Variants in FMN1 observed in about 807,000 individuals in gnomAD.
FMN1 encodes formin 1.
FMN1 carries 110 observed loss-of-function variants against 132.4 expected under a neutral mutation model. The observed-to-expected ratio is 0.83, with a 90% CI of 0.71 to 0.97. The LOEUF is 0.97. Ranked by LOEUF, FMN1 falls within the 50% of genes least tolerant of loss-of-function variation. FMN1 has a pLI of 0.00. For synonymous variants in FMN1, 722 were observed against 651.7 expected (o/e 1.11, Z -1.64); for missense variants, 1,792 against 1,705.3 (o/e 1.05, Z -0.90).
At chr15:33,020,635 T>G (rs2035367451) in intron 6 of FMN1, among the ~76,000 whole-genome samples, 1 of 71,730 alleles carries the variant, frequency 1.4e-5, no homozygotes, top group African/African-American at 5.8e-5. Context: ...CGAAACTCCG[T>G]CTCAAAAAAA....
rs115512614 is a variant in FMN1 at position 32,940,921 on chromosome 15, C to T, written c.3139-14660G>A. ...CAGTTTATCACATTTGATTGTTAGACGTTAGTGGGATTCCTGACTGTATTA... is the reference window on the plus strand; with the variant it reads ...CAGTTTATCACATTTGATTGTTAGATGTTAGTGGGATTCCTGACTGTATTA... On this transcript the variant is annotated intron_variant, in intron 9 of 20. Transcript: ENST00000616417. 3.2e-3 allele frequency among the ~76,000 whole-genome samples: 484 copies of T among 152,194 alleles called. 8 individuals are homozygous for T. Among genetic ancestry groups the T allele is most frequent in the African/African-American group, 0.011 (466 of 41,512 alleles).
intron 16 of FMN1, among the ~76,000 whole-genome samples, chr15:32,859,635 T>C (rs2059217261): frequency 1.3e-5 from 2 of 152,236 alleles, no homozygotes; most frequent in African/African-American, 2.4e-5. Context: ...ACCTTTAATA[T>C]TTATGTAAAA....
intron 5 of FMN1, among the ~76,000 whole-genome samples, chr15:33,084,791 G>A (rs1175346612): frequency 1.3e-5 from 2 of 152,112 alleles, no homozygotes; most frequent in African/African-American, 4.8e-5. Context: ...TAAATGAGGG[G>A]ACTTAGTAAC....
At chr15:33,059,257 T>C (rs2037372057) in intron 6 of FMN1, among the ~76,000 whole-genome samples, 1 of 148,444 alleles carries the variant, frequency 6.7e-6, no homozygotes, top group Non-Finnish European at 1.5e-5. Context: ...GGTATTCCAT[T>C]GTATATATAT....
intron 4 of FMN1, among the ~76,000 whole-genome samples, chr15:33,139,671 G>C (rs1307057417): frequency 6.6e-6 from 1 of 152,186 alleles, no homozygotes; most frequent in Non-Finnish European, 1.5e-5. Flanking sequence ...TAAGCTTCGT[G>C]TTCCCTTTAA....
At position 32,989,558 on chromosome 15, in the gene FMN1, G is replaced by A. The variant is rs1019477947; in HGVS notation, c.2223+18456C>T. On this transcript the variant is annotated intron_variant, in intron 7 of 20. Transcript: ENST00000616417. ...CAAGTGCAGTTTAGCCCCTTCACCC[G>A]CCCCCCACCAAAAGAAAGAAAGCCA... Among the ~76,000 whole-genome samples the A allele has an allele frequency of 5.3e-5, 8 of 151,974 alleles. No homozygotes were observed. In the East Asian group the frequency reaches 1.2e-3, roughly 22 times the overall value.
intron 15 of FMN1, 63 bp from the exon 16 acceptor site, chr15:32,888,355 C>CA: frequency 7.1e-7 from 1 of 1,414,506 alleles, no homozygotes; most frequent in Non-Finnish European, 9.5e-7. Context: ...GTTGAAATTC[C>CA]AAAGCATCAA....
At chr15:32,958,034 A>G (rs1425926418) in intron 9 of FMN1, among the ~76,000 whole-genome samples, 1 of 152,150 alleles carries the variant, frequency 6.6e-6, no homozygotes, top group Non-Finnish European at 1.5e-5. Context: ...ATTTTATTAT[A>G]GCTAATATTT....
intron 5 of FMN1, among the ~76,000 whole-genome samples, chr15:33,070,404 T>A (rs186639014): frequency 0.034 from 4,745 of 139,958 alleles, 261 homozygotes; most frequent in African/African-American, 0.12. Context: ...TTTTTTTTTT[T>A]ATGAACTGAA....
chr15:33,171,482 A>C (rs1320450068), intron 3 of FMN1, among the ~76,000 whole-genome samples: 1 of 152,114 alleles, frequency 6.6e-6, no homozygotes, highest in Non-Finnish European at 1.5e-5. Context: ...CCTATAAATA[A>C]GTACAAATAT....
At chr15:33,066,811 C>T (rs750627185) in intron 5 of FMN1, 7 of 1,613,844 alleles carry the variant, frequency 4.3e-6, no homozygotes, top group African/African-American at 1.3e-5. Context: ...CTGCTCCCTT[C>T]GGTTCAGTTT....
intron 6 of FMN1, chr15:33,013,138 A>G (rs1424004034): frequency 2.5e-6 from 1 of 398,254 alleles, no homozygotes; most frequent in Admixed American, 3.0e-5. Flanking sequence ...ATAGGTTGCA[A>G]CAGGTTTGTG....
intron 6 of FMN1, among the ~76,000 whole-genome samples, chr15:33,048,644 A>AAACAAAAAAAAAAAAAAAAAC (rs1555388954): frequency 2.3e-5 from 2 of 86,918 alleles, no homozygotes; most frequent in Non-Finnish European, 2.4e-5. Flanking sequence ...AAAAAAAAAA[A>AAACAAAAAAAAAAAAAAAAAC]AAAAACCAAC....
rs771313592 is a variant in FMN1, at chr15:32,964,383, T to C, written c.2988-126A>G. 3.3e-5 allele frequency: 23 copies of C among 697,008 alleles called. No homozygotes were observed. The Middle Eastern group carries it at 1.0e-3, about 32-fold the overall frequency. 43.2% of individuals were successfully genotyped at this position (697,008 alleles called of 1,614,324 possible). On this transcript the variant is annotated intron_variant, in intron 8 of 20. Transcript: ENST00000616417. ...AAAAAAACACATAAAACTCTAATAA[T>C]GCTTGGAGAAAAGCTTTTTATGTTA... is the stretch of plus-strand genomic sequence containing the variant.
Position 33,158,007 on chromosome 15 carries a change from A to G in FMN1, c.-131-2962T>C, listed in dbSNP as rs547417056. On this transcript the variant is annotated intron_variant, in intron 3 of 20. Coordinates refer to ENST00000616417, the MANE Select transcript of FMN1 (RefSeq NM_001277313.2). Reference sequence around the variant, plus strand: ...ACCCTGTCTTTCAAAAAAAAAAAAAAAAAGAAAAAGAAAGAAACAAAAACC... The same window carrying G: ...ACCCTGTCTTTCAAAAAAAAAAAAAGAAAGAAAAAGAAAGAAACAAAAACC... Among the ~76,000 whole-genome samples, 277 of 150,214 alleles carry G rather than the reference A, an allele frequency of 1.8e-3. 1 individual carries two copies. Among genetic ancestry groups the G allele is most frequent in the African/African-American group, 6.4e-3 (254 of 39,918 alleles).
chr15:32,928,068 G>A (rs112420082), intron 9 of FMN1, among the ~76,000 whole-genome samples: 21 of 152,212 alleles, frequency 1.4e-4, no homozygotes, highest in African/African-American at 4.8e-4. Context: ...TTGATTAATC[G>A]ATCTTGAATC....
chr15:33,067,903 G>C (rs751143412), intron 5 of FMN1: 8 of 1,588,176 alleles, frequency 5.0e-6, no homozygotes, highest in East Asian at 2.2e-5. Context: ...AATGCCCTTG[G>C]TGGAAGTTCT....
chr15:32,955,734 CA>C (rs904596095), intron 9 of FMN1, among the ~76,000 whole-genome samples: 2 of 152,080 alleles, frequency 1.3e-5, no homozygotes, highest in African/African-American at 2.4e-5. Context: ...CAGATAACCC[CA>C]AATCTATATT....
intron 9 of FMN1, among the ~76,000 whole-genome samples, chr15:32,936,653 T>G (rs1420730124): frequency 4.7e-4 from 59 of 125,624 alleles, no homozygotes; most frequent in African/African-American, 7.8e-4. Context: ...GGAGGGGGAG[T>G]GGGAGGAAGA....
Sources: gnomAD v4.1 joint callset for allele counts (sites outside exome capture counted in the v4.1 genomes callset) on GRCh38, gnomAD v4.1.1 for gene constraint, MANE v1.5 for transcripts, NCBI Gene and HGNC (gene_info 2026-07-23, HGNC 2026-07-21) for gene names.